ZFAND5: variants seen among roughly 807,000 people sequenced by gnomAD.
The protein encoded by ZFAND5 is AN1-type zinc finger protein 5.
A neutral mutation model predicts 23.6 loss-of-function variants in ZFAND5; 4 were observed. The ratio of observed to expected loss-of-function variants is 0.17; its 90% confidence interval spans 0.08 to 0.39. ZFAND5 has a LOEUF of 0.39. ZFAND5 is among the 10% of genes least tolerant of loss of function. ZFAND5 has a pLI of 1.00. For missense variants in ZFAND5, 161 were observed against 253.7 expected (o/e 0.63, Z 2.48); for synonymous variants, 68 against 80.6 (o/e 0.84, Z 0.84).
rs1384781719 is a variant in ZFAND5, at chr9:72,351,619, C to G, written c.*4334G>C. 1 of 143,244 alleles carries G rather than the reference C, an allele frequency of 7.0e-6. No homozygotes were observed. Among genetic ancestry groups the G allele is most frequent in the Admixed American group, 7.1e-5 (1 of 14,062 alleles). The allele number at this position is 143,244 out of a possible 1,614,324, so 8.9% of individuals were successfully genotyped here. Reference sequence around the variant, plus strand: ...TTTTTTTTTTTTTACATTTGCTACACGGTATTTATTCAATGACTGTATATT... The same window carrying G: ...TTTTTTTTTTTTTACATTTGCTACAGGGTATTTATTCAATGACTGTATATT... On this transcript the variant is annotated 3_prime_UTR_variant, in exon 7 of 7. Coordinates refer to ENST00000376962, the MANE Select transcript of ZFAND5 (RefSeq NM_001102420.3).
chr9:72,360,887 A>G, intron 2 of ZFAND5, 100 bp from the exon 3 acceptor site: 3 of 1,106,814 alleles, frequency 2.7e-6, no homozygotes, highest in Non-Finnish European at 3.7e-6. Flanking sequence ...AGTTTTAACA[A>G]AAGCCCAAAT....
intron 5 of ZFAND5, 91 bp downstream of exon 5, chr9:72,359,327 G>T: frequency 8.1e-7 from 1 of 1,241,162 alleles, no homozygotes; most frequent in Non-Finnish European, 1.1e-6. Context: ...CCTCCTCTTT[G>T]GTCCTTCAAT....
Position 72,353,720 on chromosome 9 carries a change from C to G in ZFAND5, c.*2233G>C, listed in dbSNP as rs1841850386. The G allele has an allele frequency of 7.4e-6, 1 of 135,010 alleles. No individual in the cohort carries two copies. The highest frequency in any genetic ancestry group is 2.7e-4 in the South Asian group (1 of 3,766). The allele number at this position is 135,010 out of a possible 1,614,324, so 8.4% of individuals were successfully genotyped here. On this transcript the variant is annotated 3_prime_UTR_variant, in exon 7 of 7. Coordinates refer to ENST00000376962, the MANE Select transcript of ZFAND5 (RefSeq NM_001102420.3). The stretch of plus-strand genomic sequence containing the variant: ...GATGGAGTCCGAGGGCTCATCTTAC[C>G]TTCTCTATACCACTCTTACTTCCAT...
rs1644936147 is a variant in ZFAND5, at chr9:72,354,392, A to AAC, written c.*1559_*1560dup. On this transcript the variant is annotated 3_prime_UTR_variant, in exon 7 of 7. Coordinates refer to ENST00000376962, the MANE Select transcript of ZFAND5 (RefSeq NM_001102420.3). ...AAAAAATTATATAGCCATGTAAAGT[A>AAC]ACATTTTCTAATTTTCCCCCTTTAG... 2 of 152,620 alleles carry AAC rather than the reference A, an allele frequency of 1.3e-5. No individual in the cohort carries two copies. Among genetic ancestry groups the AAC allele is most frequent in the African/African-American group, 4.8e-5 (2 of 41,464 alleles). The allele number at this position is 152,620 out of a possible 1,614,324, so 9.5% of individuals were successfully genotyped here.
Position 72,352,082 on chromosome 9 carries a change from CAGG to C in ZFAND5, c.*3868_*3870del, listed in dbSNP as rs1411433518. On this transcript the variant is annotated 3_prime_UTR_variant, in exon 7 of 7. Coordinates refer to ENST00000376962, the MANE Select transcript of ZFAND5 (RefSeq NM_001102420.3). ...GGCCGGGGTGGGCGGATCATGAGGT[CAGG>C]AGATCGAGACCACCCTGGCTAACAC... 1.3e-5 allele frequency: 2 copies of C among 152,166 alleles called. No individual in the cohort carries two copies. The highest frequency in any genetic ancestry group is 3.8e-4 in the East Asian group (2 of 5,200). The allele number at this position is 152,166 out of a possible 1,614,324, so 9.4% of individuals were successfully genotyped here.
Position 72,364,724 on chromosome 9 carries a change from G to C in ZFAND5, c.-175C>G. On this transcript the variant is annotated 5_prime_UTR_variant, in exon 1 of 7. Coordinates refer to ENST00000376962, the MANE Select transcript of ZFAND5 (RefSeq NM_001102420.3). ...GCAGGGTCCCAAATGCGAAAGCCGG[G>C]TTCGCGCGCGAAGCCGGCACGATGA... The C allele has an allele frequency of 2.6e-6, 2 of 783,620 alleles. No individual in the cohort carries two copies. Among genetic ancestry groups the C allele is most frequent in the Non-Finnish European group, 3.2e-6 (2 of 618,094 alleles). The allele number at this position is 783,620 out of a possible 1,614,324, so 48.5% of individuals were successfully genotyped here.
chr9:72,357,437 G>A (rs1841975243), intron 5 of ZFAND5, among the ~76,000 whole-genome samples: 1 of 152,030 alleles, frequency 6.6e-6, no homozygotes, highest in Non-Finnish European at 1.5e-5. Flanking sequence ...TTCAATCAGG[G>A]CAGTTCAAAT....
At position 72,356,046 on chromosome 9, in the gene ZFAND5, C is replaced by T; in HGVS notation, c.549G>A (p.Lys183=). The T allele has an allele frequency of 6.2e-7, 1 of 1,613,844 alleles. No homozygotes were observed. Among genetic ancestry groups the T allele is most frequent in the Non-Finnish European group, 8.5e-7 (1 of 1,179,838 alleles). Residue 183 remains lysine (K), a synonymous_variant, in exon 7 of 7, where the codon AAG becomes AAA. Transcript: ENST00000376962. ...CTTTGTAATCATACGGACAGTTGTG[C>T]TTGTCAGAGTAACGGTGAAGTCCAC... The part of the protein sequence containing the change: ...LFCGLHRYSD[K]HNCPYDYKAE...
At chr9:72,359,703 A>T (rs909133705) in intron 4 of ZFAND5, among the ~76,000 whole-genome samples, 182 bp from the exon 5 acceptor site, 5 of 152,200 alleles carry the variant, frequency 3.3e-5, no homozygotes, top group African/African-American at 9.6e-5. Context: ...AAAGTTTGAT[A>T]AATGGCTCAT....
chr9:72,364,441 C>A (rs772173204), intron 1 of ZFAND5: 1 of 1,267,610 alleles, frequency 7.9e-7, no homozygotes, highest in Non-Finnish European at 1.0e-6. Flanking sequence ...AGAGGCGGCA[C>A]GCCGTGCATT....
chr9:72,356,229 C>T lies in ZFAND5; in HGVS notation c.494-128G>A, dbSNP rs533721898. 17 of 1,131,324 alleles carry T rather than the reference C, an allele frequency of 1.5e-5. No homozygotes were observed. In the African/African-American group the frequency reaches 2.5e-4, roughly 17 times the overall value. 70.1% of individuals were successfully genotyped at this position (1,131,324 alleles called of 1,614,324 possible). ...AACATAAAAGACAGTGAACTCTTTTCTTCCACTTCCTGGTGATAAGACACA... is the reference window on the plus strand; with the variant it reads ...AACATAAAAGACAGTGAACTCTTTTTTTCCACTTCCTGGTGATAAGACACA... On this transcript the variant is annotated intron_variant, in intron 6 of 6. Coordinates refer to ENST00000376962, the MANE Select transcript of ZFAND5 (RefSeq NM_001102420.3).
At chr9:72,360,495 G>A (rs1453506158) in intron 3 of ZFAND5, 133 bp downstream of exon 3, 14 of 1,184,686 alleles carry the variant, frequency 1.2e-5, no homozygotes, top group Admixed American at 4.2e-5. Context: ...CAAGCACTTG[G>A]GCTGTTGCTT....
intron 1 of ZFAND5, chr9:72,364,304 G>T: frequency 2.4e-6 from 2 of 847,352 alleles, no homozygotes; most frequent in Non-Finnish European, 3.0e-6. Context: ...CTCCTCTTAG[G>T]GGAGAGCTAG....
chr9:72,357,567 A>G (rs1707556990), intron 5 of ZFAND5, among the ~76,000 whole-genome samples: 1 of 152,160 alleles, frequency 6.6e-6, no homozygotes, highest in South Asian at 2.1e-4. Flanking sequence ...TCATCCCTAA[A>G]TCAACGTCAG....
rs1841962334 is a variant in ZFAND5, at chr9:72,356,991, CAGG to C, written c.430_432del (p.Pro144del). 3 of 1,613,542 alleles carry C rather than the reference CAGG, an allele frequency of 1.9e-6. No homozygotes were observed. Among genetic ancestry groups the C allele is most frequent in the Non-Finnish European group, 2.5e-6 (3 of 1,179,784 alleles). ...CTGTTTTTCTTTGGTTTGGGCAATTCAGGAGCTTTTTCTTCACTCTGAGAAGTA... is the reference window on the plus strand; with the variant it reads ...CTGTTTTTCTTTGGTTTGGGCAATTCAGCTTTTTCTTCACTCTGAGAAGTA... On this transcript the variant is annotated inframe_deletion, in exon 6 of 7. Transcript: ENST00000376962.
chr9:72,352,005 C>CA lies in ZFAND5; in HGVS notation c.*3947dup, dbSNP rs1172333562. 1 of 152,114 alleles carries CA rather than the reference C, an allele frequency of 6.6e-6. No individual in the cohort carries two copies. The highest frequency in any genetic ancestry group is 1.9e-4 in the East Asian group (1 of 5,186). 9.4% of individuals were successfully genotyped at this position (152,114 alleles called of 1,614,324 possible). On this transcript the variant is annotated 3_prime_UTR_variant, in exon 7 of 7. Coordinates refer to ENST00000376962, the MANE Select transcript of ZFAND5 (RefSeq NM_001102420.3). Reference sequence around the variant, plus strand: ...ATTGAGAACTTTGCATTCAAACAGACAAGAGTCGGCCAGGCGCAGTGGCTC... The same window carrying CA: ...ATTGAGAACTTTGCATTCAAACAGACAAAGAGTCGGCCAGGCGCAGTGGCTC...
chr9:72,361,105 T>A (rs1032146457), intron 2 of ZFAND5, among the ~76,000 whole-genome samples: 18 of 152,212 alleles, frequency 1.2e-4, no homozygotes, highest in Admixed American at 1.2e-3. Flanking sequence ...GGGAAACTGG[T>A]ATCTTTAACT....
intron 1 of ZFAND5, 34 bp downstream of exon 1, chr9:72,364,662 G>C: frequency 8.8e-7 from 1 of 1,137,730 alleles, no homozygotes; most frequent in Non-Finnish European, 1.1e-6. Context: ...GCAACAAGGA[G>C]CCCGGCTCCC....
chr9:72,355,858 A>G lies in ZFAND5; in HGVS notation c.*95T>C. 1 of 1,133,466 alleles carries G rather than the reference A, an allele frequency of 8.8e-7. No individual in the cohort carries two copies. Among genetic ancestry groups the G allele is most frequent in the Non-Finnish European group, 1.2e-6 (1 of 803,516 alleles). The allele number at this position is 1,133,466 out of a possible 1,614,324, so 70.2% of individuals were successfully genotyped here. ...CAAGTGTAATGTAAAACTCTGGAGA[A>G]CATCAAAGAAAAATGGCCATGCATC... On this transcript the variant is annotated 3_prime_UTR_variant, in exon 7 of 7. Transcript: ENST00000376962.
Sources: gnomAD v4.1 joint callset for allele counts (sites outside exome capture counted in the v4.1 genomes callset) on GRCh38, gnomAD v4.1.1 for gene constraint, MANE v1.5 for transcripts, NCBI Gene and HGNC (gene_info 2026-07-23, HGNC 2026-07-21) for gene names.